FHL2: variants seen among roughly 807,000 people sequenced by gnomAD.
FHL2 encodes the protein four and a half LIM domains protein 2.
A neutral mutation model predicts 32.7 loss-of-function variants in FHL2; 20 were observed. The observed-to-expected ratio is 0.61, with a 90% confidence interval of 0.43 to 0.89. The LOEUF is 0.89. Ranked by LOEUF, FHL2 falls within the 40% of genes least tolerant of loss-of-function variation. The pLI is 0.00. For missense variants in FHL2, 311 were observed against 358.6 expected, an observed-to-expected ratio of 0.87 and a Z score of 1.07; for synonymous variants, 123 against 128.1, an observed-to-expected ratio of 0.96 and a Z score of 0.27.
chr2:105,434,068 T>A (rs1377810550), intron 1 of FHL2, among the ~76,000 whole-genome samples: 1 of 152,218 alleles, frequency 6.6e-6, no homozygotes, highest in Non-Finnish European at 1.5e-5. Context: ...TGTAATGTTC[T>A]CAGCCTCTGC....
chr2:105,386,550 A>G lies in FHL2; in HGVS notation c.-24-10T>C, dbSNP rs777312744. ...CTGGCTTTTCAGCAACCTATCAAAA[A>G]GAAAAGAAAATCCAAGTCCCATTAA... On this transcript the variant is annotated splice_polypyrimidine_tract_variant and intron_variant, in intron 2 of 6. Transcript: ENST00000530340. The G allele has an allele frequency of 2.7e-5, 43 of 1,613,606 alleles. No homozygotes were observed. Among genetic ancestry groups the G allele is most frequent in the Non-Finnish European group, 3.4e-6 (4 of 1,179,916 alleles).
intron 1 of FHL2, among the ~76,000 whole-genome samples, chr2:105,428,509 G>T (rs1006320192): frequency 2.0e-5 from 3 of 152,220 alleles, no homozygotes; most frequent in African/African-American, 2.4e-5. Context: ...TCCCTGAGAG[G>T]TTGGGCTCCT....
chr2:105,399,149 G>C (rs950594380), upstream of FHL2: 1 of 1,364,350 alleles, frequency 7.3e-7, no homozygotes, highest in African/African-American at 1.5e-5. Context: ...GGCGTGGGGC[G>C]CGGGGGGCGG....
upstream of FHL2, among the ~76,000 whole-genome samples, chr2:105,402,077 ATATATGTG>A (rs1324880136): frequency 6.7e-6 from 1 of 149,318 alleles, no homozygotes; most frequent in Non-Finnish European, 1.5e-5. Flanking sequence ...ATATACATGT[ATATATGTG>A]TATATATACG....
chr2:105,390,343 G>A (rs1682636888), intron 2 of FHL2: 1 of 152,498 alleles, frequency 6.6e-6, no homozygotes, highest in Admixed American at 6.5e-5. Flanking sequence ...GTCATCATCA[G>A]TGATATGATG....
At chr2:105,369,143 C>G (rs1680844800) in intron 4 of FHL2, among the ~76,000 whole-genome samples, 2 of 152,146 alleles carry the variant, frequency 1.3e-5, no homozygotes, top group Admixed American at 1.3e-4. Flanking sequence ...TCCCTGGGGA[C>G]TGTGGCATGA....
intron 2 of FHL2, among the ~76,000 whole-genome samples, chr2:105,389,314 T>G (rs1206524750): frequency 1.3e-5 from 2 of 152,246 alleles, no homozygotes; most frequent in Non-Finnish European, 2.9e-5. Context: ...GCAGCCATGC[T>G]GGCACAAGAT....
Position 105,434,210 on chromosome 2 carries a change from T to C in FHL2, c.-25+4189A>G, listed in dbSNP as rs141541060. Among the ~76,000 whole-genome samples, 42 of 152,362 alleles carry C rather than the reference T, an allele frequency of 2.8e-4. 1 individual carries two copies. The highest frequency in any genetic ancestry group is 9.1e-4 in the African/African-American group (38 of 41,590). On this transcript the variant is annotated intron_variant, in intron 1 of 5. Transcript: ENST00000393352. ...ATGTCATTCAAACCATGCTGTCCCT[T>C]GCATATGGCAACAGGGTTGCTCTTT...
chr2:105,390,385 A>T (rs1399051352), intron 2 of FHL2, among the ~76,000 whole-genome samples: 1 of 152,238 alleles, frequency 6.6e-6, no homozygotes, highest in Non-Finnish European at 1.5e-5. Context: ...AGCTCCCAGC[A>T]GGAACAGTAG....
At chr2:105,369,042 T>C (rs1173448897) in intron 4 of FHL2, among the ~76,000 whole-genome samples, 1 of 152,208 alleles carries the variant, frequency 6.6e-6, no homozygotes, top group Non-Finnish European at 1.5e-5. Flanking sequence ...AGTTGTTGTG[T>C]AGTTGTAATA....
chr2:105,426,704 AC>A (rs1361506165), intron 1 of FHL2, among the ~76,000 whole-genome samples: 1 of 152,184 alleles, frequency 6.6e-6, no homozygotes, highest in African/African-American at 2.4e-5. Flanking sequence ...GATATTTTCC[AC>A]TTATGTTGTG....
intron 1 of FHL2, among the ~76,000 whole-genome samples, chr2:105,435,877 T>C (rs541339144): frequency 2.0e-5 from 3 of 152,240 alleles, no homozygotes; most frequent in South Asian, 4.1e-4. Context: ...AGAATGAAAT[T>C]CTTGCACTTT....
At position 105,380,311 on chromosome 2, in the gene FHL2, TCA is replaced by T. The variant is rs144626037; in HGVS notation, c.156+6048_156+6049del. ...CGGGTGCCTGAGCCTGTGCTTCCTATCACACTCTGAATCTTTACCTGTGAAGA... is the reference window on the plus strand; with the variant it reads ...CGGGTGCCTGAGCCTGTGCTTCCTATCACTCTGAATCTTTACCTGTGAAGA... On this transcript the variant is annotated intron_variant, in intron 3 of 6. Coordinates refer to ENST00000530340, the MANE Select transcript of FHL2 (RefSeq NM_001318895.3). Among the ~76,000 whole-genome samples, 859 of 152,312 alleles carry T rather than the reference TCA, an allele frequency of 5.6e-3. 14 individuals carry two copies. The highest frequency in any genetic ancestry group is 0.02 in the African/African-American group (822 of 41,564).
chr2:105,386,225 C>T, intron 3 of FHL2, 136 bp downstream of exon 3: 1 of 925,272 alleles, frequency 1.1e-6, no homozygotes, highest in Non-Finnish European at 1.6e-6. Context: ...CGAAAGGCTA[C>T]ACGCAGGGTC....
chr2:105,404,004 T>TG (rs1293955187), upstream of FHL2, among the ~76,000 whole-genome samples: 3 of 151,952 alleles, frequency 2.0e-5, no homozygotes, highest in Admixed American at 1.3e-4. Flanking sequence ...GGTGGGGTCG[T>TG]GGGGGGGAGG....
chr2:105,406,746 GGAGA>G (rs369372006), intron 1 of FHL2, among the ~76,000 whole-genome samples: 1 of 152,226 alleles, frequency 6.6e-6, no homozygotes, highest in Admixed American at 6.5e-5. Context: ...ATCCTGCGCA[GGAGA>G]GAGTCTTTGA....
upstream of FHL2, among the ~76,000 whole-genome samples, chr2:105,401,586 G>A (rs945021718): frequency 1.3e-5 from 2 of 152,140 alleles, no homozygotes; most frequent in East Asian, 3.8e-4. Context: ...AGACACACAA[G>A]AGTAGTCATT....
intron 1 of FHL2, 189 bp from the exon 2 acceptor site, chr2:105,396,886 C>G (rs1683166445): frequency 1.7e-6 from 1 of 592,264 alleles, no homozygotes; most frequent in Admixed American, 3.2e-5. Context: ...CTCAGGGCAT[C>G]TGAGTCAGAG....
intron 1 of FHL2, among the ~76,000 whole-genome samples, chr2:105,422,088 C>A (rs1223573956): frequency 6.6e-6 from 1 of 152,216 alleles, no homozygotes; most frequent in Non-Finnish European, 1.5e-5. Flanking sequence ...ACATGCAAGT[C>A]CTCCAACACC....
Sources: gnomAD v4.1 joint callset for allele counts (sites outside exome capture counted in the v4.1 genomes callset) on GRCh38, gnomAD v4.1.1 for gene constraint, MANE v1.5 for transcripts, NCBI Gene and HGNC (gene_info 2026-07-23, HGNC 2026-07-21) for gene names.